The following PDE6B variants were observed in gnomAD, a reference collection of about 807,000 sequenced individuals.
PDE6B encodes the protein phosphodiesterase 6B.
In PDE6B, 106 loss-of-function variants were observed where a neutral mutation model predicts 109.0. The ratio of observed to expected loss-of-function variants is 0.97; its 90% CI spans 0.83 to 1.14. The LOEUF is 1.14. PDE6B is among the 50% of genes most tolerant of loss of function. The probability of loss-of-function intolerance (pLI) is 0.00; values close to 1 mark genes in which losing one functional copy is unlikely to be tolerated. For synonymous variants in PDE6B, 490 were observed against 471.3 expected, an observed-to-expected ratio of 1.04 and a Z score of -0.51; for missense variants, 1,193 against 1,155.6, an observed-to-expected ratio of 1.03 and a Z score of -0.47.
intron 21 of PDE6B, among the ~76,000 whole-genome samples, chr4:669,661 G>A (rs373269667): frequency 3.6e-5 from 2 of 54,938 alleles, no homozygotes; most frequent in African/African-American, 1.1e-4. Context: ...TGCTATTCCC[G>A]CTACGCCATG....
rs1737497878 is a variant in PDE6B, at chr4:664,188, T to G, written c.2096T>G (p.Leu699Arg). 1 of 1,609,542 alleles carries G rather than the reference T, an allele frequency of 6.2e-7. No individual in the cohort carries two copies. ...GACAAGAAGAGCTGGGTGGAGTACCTGTCCCTGGAGACGACCCGGAAGGAG... is the reference window on the plus strand; with the variant it reads ...GACAAGAAGAGCTGGGTGGAGTACCGGTCCCTGGAGACGACCCGGAAGGAG... ...YQDKKSWVEYLSLETTRKEIV... is the reference protein window; with the variant it reads ...YQDKKSWVEYRSLETTRKEIV... Residue 699 changes from leucine to arginine, a missense_variant, in exon 17 of 22, where the codon CTG becomes CGG. By Grantham distance (102) the Leu-to-Arg change is moderately radical. Transcript: ENST00000496514.
chr4:668,119 A>C, intron 21 of PDE6B, 113 bp downstream of exon 21: 1 of 1,102,392 alleles, frequency 9.1e-7, no homozygotes, highest in Non-Finnish European at 1.3e-6. Context: ...CACTTTCAAG[A>C]AGCCTCGAGG....
intron 3 of PDE6B, among the ~76,000 whole-genome samples, chr4:642,725 C>CA (rs71636506): frequency 0.026 from 1,111 of 42,566 alleles, 32 homozygotes; most frequent in South Asian, 0.052. Context: ...GACACTGTCT[C>CA]AAAAAAAAAA....
chr4:635,804 C>G, intron 2 of PDE6B, 76 bp from the exon 3 acceptor site: 1 of 820,542 alleles, frequency 1.2e-6, no homozygotes, highest in Non-Finnish European at 2.2e-6. Context: ...GAGCATGTTT[C>G]TCCTGCAAAA....
intron 7 of PDE6B, 96 bp downstream of exon 7, chr4:656,102 G>A: frequency 9.6e-7 from 1 of 1,040,396 alleles, no homozygotes; most frequent in Non-Finnish European, 1.5e-6. Flanking sequence ...CGCCCTCCCG[G>A]CCAGCTCCAC....
Position 625,869 on chromosome 4 carries a change from G to A in PDE6B, c.243G>A (p.Arg81=), listed in dbSNP as rs764356113. The change falls in exon 1 of 22, where the codon CGG becomes CGA. Residue 81 remains arginine, a synonymous_variant. Coordinates refer to ENST00000496514, the MANE Select transcript of PDE6B (RefSeq NM_000283.4). This position sits in a 1 kb window ranked among gnomAD's most constrained non-coding sequence, Gnocchi z 5.0. ...AGCGCGTGGTCTTCAAGGTCCTGCG[G>A]CGCCTCTGCACCCTCCTGCAGGCCG... ...NMERVVFKVL[R]RLCTLLQADR... 1 of 1,609,938 alleles carries A rather than the reference G, an allele frequency of 6.2e-7. No individual in the cohort carries two copies. The highest frequency in any genetic ancestry group is 1.7e-5 in the Admixed American group (1 of 59,572).
Position 647,084 on chromosome 4 carries a change from C to T in PDE6B, c.712-6768C>T, listed in dbSNP as rs549428646. Among the ~76,000 whole-genome samples, 3 of 152,070 alleles carry T rather than the reference C, an allele frequency of 2.0e-5. No individual in the cohort carries two copies. In the East Asian group the frequency reaches 5.8e-4, roughly 29 times the overall value. ...TGTTGGCCAGGCTGGTCTTGAACTCCTGACTTCAGTTGAACTGCCCGCCTC... is the reference window on the plus strand; with the variant it reads ...TGTTGGCCAGGCTGGTCTTGAACTCTTGACTTCAGTTGAACTGCCCGCCTC... On this transcript the variant is annotated intron_variant, in intron 3 of 21. Coordinates refer to ENST00000496514, the MANE Select transcript of PDE6B (RefSeq NM_000283.4).
intron 3 of PDE6B, among the ~76,000 whole-genome samples, chr4:641,937 A>G (rs1182887387): frequency 1.3e-5 from 2 of 152,196 alleles, no homozygotes; most frequent in Non-Finnish European, 2.9e-5. Flanking sequence ...CTGAGCCACC[A>G]TACCAAGCCA....
At chr4:650,860 C>T (rs990186150) in intron 3 of PDE6B, among the ~76,000 whole-genome samples, 3 of 152,194 alleles carry the variant, frequency 2.0e-5, no homozygotes, top group Non-Finnish European at 2.9e-5. Context: ...ACCCGCCACA[C>T]GCTGAAGACG....
rs781758396 is a variant in PDE6B at position 663,995 on chromosome 4, C to G, written c.2022-119C>G. 2.6e-5 allele frequency: 29 copies of G among 1,109,272 alleles called. No homozygotes were observed. Among genetic ancestry groups the G allele is most frequent in the Non-Finnish European group, 3.6e-5 (26 of 729,938 alleles). The allele number at this position is 1,109,272 out of a possible 1,614,324, so 68.7% of individuals were successfully genotyped here. Reference sequence around the variant, plus strand: ...AGCCCCGGATTCCGTCCCTGCCCGCCGGCCCCGCGCACCCCGGATGGGGCC... The same window carrying G: ...AGCCCCGGATTCCGTCCCTGCCCGCGGGCCCCGCGCACCCCGGATGGGGCC... On this transcript the variant is annotated intron_variant, in intron 16 of 21. Coordinates refer to ENST00000496514, the MANE Select transcript of PDE6B (RefSeq NM_000283.4). The surrounding 1 kb of genome is among the most constrained non-coding windows in gnomAD (Gnocchi z 4.0).
Position 666,455 on chromosome 4 carries a change from G to T in PDE6B, c.2269-76G>T. On this transcript the variant is annotated intron_variant, in intron 19 of 21. Transcript: ENST00000496514. The surrounding 1 kb of genome is among the most constrained non-coding windows in gnomAD (Gnocchi z 5.6). ...TCTCCATGAGCACATCTGAGTGAGG[G>T]GGTCGGGGGGCTGGGCGGGGCCCCA... 1 of 923,236 alleles carries T rather than the reference G, an allele frequency of 1.1e-6. No homozygotes were observed. The highest frequency in any genetic ancestry group is 1.3e-5 in the South Asian group (1 of 77,060). The allele number at this position is 923,236 out of a possible 1,614,324, so 57.2% of individuals were successfully genotyped here.
At chr4:659,062 TGAGGCTGG>T in intron 11 of PDE6B, 45 bp downstream of exon 11, 1 of 1,412,658 alleles carries the variant, frequency 7.1e-7, no homozygotes, top group Non-Finnish European at 1.0e-6. Flanking sequence ...CGGCCACGTG[TGAGGCTGG>T]GAGGAAGAGT....
Position 665,218 on chromosome 4 carries a change from CAG to C in PDE6B, c.2194-34_2194-33del. 6.5e-7 allele frequency: 1 copy of C among 1,530,342 alleles called. No homozygotes were observed. The highest frequency in any genetic ancestry group is 9.0e-7 in the Non-Finnish European group (1 of 1,105,722). The allele number at this position is 1,530,342 out of a possible 1,614,324, so 94.8% of individuals were successfully genotyped here. Reference sequence around the variant, plus strand: ...GGGCCCGGGCCCTTCCGCGTGGGCTCAGAGCTCCACAGACAGCTGCCTTCCTG... The same window carrying C: ...GGGCCCGGGCCCTTCCGCGTGGGCTCAGCTCCACAGACAGCTGCCTTCCTG... On this transcript the variant is annotated intron_variant, in intron 18 of 21. Transcript: ENST00000496514. This position sits in a 1 kb window ranked among gnomAD's most constrained non-coding sequence, Gnocchi z 4.0.
intron 10 of PDE6B, among the ~76,000 whole-genome samples, 184 bp from the exon 11 acceptor site, chr4:658,768 G>A (rs968472446): frequency 6.6e-6 from 1 of 152,194 alleles, no homozygotes; most frequent in African/African-American, 2.4e-5. Flanking sequence ...AGGACAGGTG[G>A]GAAAGTCAGC....
rs976990975 is a variant in PDE6B at position 636,344 on chromosome 4, G to C, written c.711+375G>C. Among the ~76,000 whole-genome samples, 12 of 152,248 alleles carry C rather than the reference G, an allele frequency of 7.9e-5. No individual in the cohort carries two copies. Among genetic ancestry groups the C allele is most frequent in the African/African-American group, 2.9e-4 (12 of 41,540 alleles). On this transcript the variant is annotated intron_variant, in intron 3 of 21. Transcript: ENST00000496514. The surrounding 1 kb of genome is among the most constrained non-coding windows in gnomAD (Gnocchi z 4.5). ...TGGTTGAGAGAGGGTGCAGGGGCAG[G>C]TCCGGCCCTGACTGAGAGAGGGTGT...
chr4:669,327 A>C (rs1738196685), intron 21 of PDE6B, among the ~76,000 whole-genome samples: 1 of 104,406 alleles, frequency 9.6e-6, no homozygotes, highest in Non-Finnish European at 1.9e-5. Flanking sequence ...TATTCCCGCT[A>C]CCCCATGCTA....
At chr4:647,707 C>T (rs911845350) in intron 3 of PDE6B, among the ~76,000 whole-genome samples, 1 of 152,010 alleles carries the variant, frequency 6.6e-6, no homozygotes, top group African/African-American at 2.4e-5. Flanking sequence ...GAGGGCTTCA[C>T]AGATGCATGG....
chr4:646,982 T>C (rs545646545), intron 3 of PDE6B, among the ~76,000 whole-genome samples: 1 of 151,868 alleles, frequency 6.6e-6, no homozygotes, highest in African/African-American at 2.4e-5. Flanking sequence ...CTCAGCCTCC[T>C]GAGTAGCTGG....
chr4:650,280 G>A (rs755273186), intron 3 of PDE6B, among the ~76,000 whole-genome samples: 3 of 152,222 alleles, frequency 2.0e-5, no homozygotes, highest in Non-Finnish European at 4.4e-5. Flanking sequence ...TTTTAAAGTC[G>A]AGACAATTCA....
Sources: allele counts gnomAD v4.1 joint callset (sites outside exome capture counted in the v4.1 genomes callset), GRCh38; gene constraint gnomAD v4.1.1; non-coding constraint Gnocchi (gnomAD v3.1); transcripts MANE v1.5; gene names NCBI Gene and HGNC (gene_info 2026-07-23, HGNC 2026-07-21).